CDH18: variants seen among roughly 807,000 people sequenced by gnomAD.
The protein encoded by CDH18 is cadherin-18.
Under a neutral mutation model 67.9 loss-of-function variants are expected in CDH18, and 31 were observed. The ratio of observed to expected loss-of-function variants is 0.46; its 90% confidence interval spans 0.34 to 0.62. The LOEUF is 0.62. Among genes scored for constraint, CDH18 ranks in the 20% least tolerant of loss-of-function variants. The probability of loss-of-function intolerance (pLI) is 0.01; values close to 1 mark genes in which losing one functional copy is unlikely to be tolerated. For missense variants in CDH18, 890 were observed against 975.5 expected, an observed-to-expected ratio of 0.91 and a Z score of 1.17; for synonymous variants, 362 against 347.2, an observed-to-expected ratio of 1.04 and a Z score of -0.48.
chr5:20,503,168 T>C (rs903463967), intron 1 of CDH18, among the ~76,000 whole-genome samples: 2 of 138,504 alleles, frequency 1.4e-5, no homozygotes, highest in South Asian at 4.7e-4. Context: ...ATATCTATAA[T>C]CTTTTAGACA....
chr5:19,487,731 T>C (rs899398094), intron 11 of CDH18, among the ~76,000 whole-genome samples: 2 of 152,124 alleles, frequency 1.3e-5, no homozygotes, highest in African/African-American at 2.4e-5. Flanking sequence ...AAAAAGAATA[T>C]GGACACAAAT....
At chr5:19,965,087 T>C (rs370936556) in intron 2 of CDH18, among the ~76,000 whole-genome samples, 18 of 152,174 alleles carry the variant, frequency 1.2e-4, no homozygotes, top group African/African-American at 3.6e-4. Context: ...TTGTGGAGAT[T>C]ATCTATGAGT....
chr5:19,733,907 T>TGA (rs1311276438), intron 4 of CDH18, among the ~76,000 whole-genome samples: 1 of 152,186 alleles, frequency 6.6e-6, no homozygotes, highest in Non-Finnish European at 1.5e-5. Context: ...GCTCATGTGT[T>TGA]GATGCTCAAA....
intron 4 of CDH18, among the ~76,000 whole-genome samples, chr5:19,739,914 C>G (rs991216640): frequency 5.3e-5 from 8 of 152,056 alleles, no homozygotes; most frequent in Non-Finnish European, 7.4e-5. Flanking sequence ...CAGCTGGTGT[C>G]TCTTCTTGTT....
intron 6 of CDH18, among the ~76,000 whole-genome samples, chr5:19,598,002 A>T (rs1746445316): frequency 6.6e-6 from 1 of 152,132 alleles, no homozygotes; most frequent in South Asian, 2.1e-4. Flanking sequence ...AAGTTATCTA[A>T]CCTTATATTT....
intron 2 of CDH18, among the ~76,000 whole-genome samples, chr5:20,056,485 T>A (rs1474148138): frequency 7.7e-6 from 1 of 129,284 alleles, no homozygotes; most frequent in East Asian, 2.2e-4. Flanking sequence ...TTTGTTTTTT[T>A]TTTTTTTTTT....
At chr5:20,160,238 A>G (rs1161341399) in intron 2 of CDH18, among the ~76,000 whole-genome samples, 1 of 152,230 alleles carries the variant, frequency 6.6e-6, no homozygotes, top group African/African-American at 2.4e-5. Context: ...TTAAGATCAG[A>G]GTATAGTTGT....
At chr5:20,146,394 G>T (rs973308225) in intron 2 of CDH18, among the ~76,000 whole-genome samples, 1 of 151,962 alleles carries the variant, frequency 6.6e-6, no homozygotes, top group African/African-American at 2.4e-5. Context: ...TTAGAGAAAG[G>T]AACGCTAAGG....
chr5:19,675,385 C>G (rs755650882), intron 5 of CDH18, among the ~76,000 whole-genome samples: 1 of 151,942 alleles, frequency 6.6e-6, no homozygotes, highest in African/African-American at 2.4e-5. Flanking sequence ...TACTGGAGAC[C>G]GGGGCTTATT....
intron 1 of CDH18, among the ~76,000 whole-genome samples, chr5:20,338,531 G>A (rs7728758): frequency 0.054 from 8,190 of 152,212 alleles, 702 homozygotes; most frequent in African/African-American, 0.18. Flanking sequence ...TTTACTGTAT[G>A]ATAGGGAAAA....
At chr5:19,719,957 G>GAAAGAAAGAAAGAAAGAAAGAAAGA (rs869259013) in intron 5 of CDH18, among the ~76,000 whole-genome samples, 5 of 149,400 alleles carry the variant, frequency 3.3e-5, no homozygotes, top group African/African-American at 9.8e-5. Flanking sequence ...AAGAAAGAAA[G>GAAAGAAAGAAAGAAAGAAAGAAAGA]AAGGAAAGAG....
intron 2 of CDH18, among the ~76,000 whole-genome samples, chr5:20,016,420 G>A (rs1025748496): frequency 1.3e-5 from 2 of 151,896 alleles, no homozygotes; most frequent in Non-Finnish European, 2.9e-5. Context: ...CCTGATATGA[G>A]GTTACCCATA....
chr5:20,537,399 T>G (rs1756787762), intron 1 of CDH18, among the ~76,000 whole-genome samples: 1 of 45,862 alleles, frequency 2.2e-5, no homozygotes, highest in African/African-American at 6.2e-5. Flanking sequence ...AAAAAACTGA[T>G]TTTTTATTGT....
chr5:19,956,356 T>G (rs1315366136), intron 2 of CDH18, among the ~76,000 whole-genome samples: 1 of 151,966 alleles, frequency 6.6e-6, no homozygotes, highest in African/African-American at 2.4e-5. Context: ...ATAATTTATT[T>G]GTGGGAGGAA....
chr5:19,970,683 C>T (rs1023937815), intron 2 of CDH18, among the ~76,000 whole-genome samples: 20 of 151,440 alleles, frequency 1.3e-4, no homozygotes, highest in Non-Finnish European at 2.5e-4. Flanking sequence ...CATGGGAATA[C>T]AGTTCATAAG....
intron 5 of CDH18, among the ~76,000 whole-genome samples, chr5:19,670,079 G>C (rs1282775199): frequency 5.3e-5 from 8 of 151,894 alleles, no homozygotes; most frequent in Non-Finnish European, 1.2e-4. Flanking sequence ...GAATGAACTA[G>C]GAAAAAGAGG....
chr5:20,075,444 A>G (rs142387783), intron 2 of CDH18, among the ~76,000 whole-genome samples: 3 of 152,236 alleles, frequency 2.0e-5, no homozygotes, highest in Non-Finnish European at 2.9e-5. Context: ...TGAAACTTGC[A>G]GTGAGCCGAG....
At chr5:20,213,846 G>T (rs982441679) in intron 2 of CDH18, among the ~76,000 whole-genome samples, 3 of 151,840 alleles carry the variant, frequency 2.0e-5, no homozygotes, top group African/African-American at 7.3e-5. Flanking sequence ...TGGATGTGTT[G>T]ATCTTTTATA....
chr5:20,217,090 C>A (rs964264021), intron 2 of CDH18, among the ~76,000 whole-genome samples: 1 of 151,582 alleles, frequency 6.6e-6, no homozygotes, highest in Non-Finnish European at 1.5e-5. Flanking sequence ...CTCAGACAAA[C>A]AAAGCTGAGG....
Sources: gnomAD v4.1 joint callset for allele counts (sites outside exome capture counted in the v4.1 genomes callset) on GRCh38, gnomAD v4.1.1 for gene constraint, MANE v1.5 for transcripts, NCBI Gene and HGNC (gene_info 2026-07-23, HGNC 2026-07-21) for gene names.